GRIN2B: variants seen among roughly 807,000 people sequenced by gnomAD.
The protein encoded by GRIN2B is glutamate ionotropic receptor NMDA type subunit 2B.
In GRIN2B, 5 loss-of-function variants were observed where a neutral mutation model predicts 114.5. The observed-to-expected ratio is 0.04, with a 90% CI of 0.02 to 0.09. The LOEUF (loss-of-function observed/expected upper bound fraction) is 0.09, where lower values mean the gene tolerates loss of function less well. Ranked by LOEUF, GRIN2B falls within the 10% of genes least tolerant of loss-of-function variation. The probability of loss-of-function intolerance (pLI) is 1.00; values close to 1 mark genes in which losing one functional copy is unlikely to be tolerated. For missense variants in GRIN2B, 1,108 were observed against 1,943.5 expected (o/e 0.57, Z 8.08); for synonymous variants, 787 against 745.1 (o/e 1.06, Z -0.92).
chr12:13,808,752 A>T (rs201438887), intron 3 of GRIN2B, among the ~76,000 whole-genome samples: 17,862 of 106,372 alleles, frequency 0.17, 1,624 homozygotes, highest in African/African-American at 0.25. Context: ...ATAAAAAAAA[A>T]ATATATATAT....
chr12:13,914,026 C>A (rs1866668853), intron 2 of GRIN2B, among the ~76,000 whole-genome samples: 1 of 152,178 alleles, frequency 6.6e-6, no homozygotes, highest in African/African-American at 2.4e-5. Flanking sequence ...TTAGATTCAG[C>A]AGATCCTCAT....
intron 4 of GRIN2B, among the ~76,000 whole-genome samples, chr12:13,676,904 G>A (rs991673335): frequency 1.1e-4 from 16 of 152,252 alleles, no homozygotes; most frequent in Admixed American, 4.6e-4. Flanking sequence ...GAGTGCTCTG[G>A]TTACTTGTGC....
intron 2 of GRIN2B, among the ~76,000 whole-genome samples, chr12:13,927,526 T>G (rs938855824): frequency 4.6e-5 from 7 of 152,124 alleles, no homozygotes; most frequent in African/African-American, 7.2e-5. Context: ...AAAACTTTAT[T>G]TATAAAAACA....
At chr12:13,920,521 T>C (rs79173390) in intron 2 of GRIN2B, among the ~76,000 whole-genome samples, 1,851 of 152,310 alleles carry the variant, frequency 0.012, 39 homozygotes, top group African/African-American at 0.042. Flanking sequence ...CTCTAAGCTC[T>C]CTTTTGCATT....
At chr12:13,979,870 G>T (rs1863100058) in intron 2 of GRIN2B, 58 bp downstream of exon 2, 1 of 152,120 alleles carries the variant, frequency 6.6e-6, no homozygotes, top group African/African-American at 2.4e-5. Flanking sequence ...CGAAGAGATA[G>T]ATAAAATGAG....
chr12:13,826,249 T>A (rs569646714), intron 3 of GRIN2B, among the ~76,000 whole-genome samples: 39 of 152,230 alleles, frequency 2.6e-4, no homozygotes, highest in African/African-American at 9.1e-4. Context: ...GGTGGGCGGA[T>A]CACTTGAGGT....
At chr12:13,928,201 C>G (rs1866953562) in intron 2 of GRIN2B, among the ~76,000 whole-genome samples, 3 of 150,620 alleles carry the variant, frequency 2.0e-5, no homozygotes, top group Admixed American at 6.6e-5. Context: ...ATCCCAGCTA[C>G]TTGGGAGGCT....
chr12:13,753,409 G>A lies in GRIN2B; in HGVS notation c.918C>T (p.Asp306=). Residue 306 remains aspartate (D), a synonymous_variant, in exon 4 of 14, where the codon GAC becomes GAT. Coordinates refer to ENST00000609686, the MANE Select transcript of GRIN2B (RefSeq NM_000834.5). This position sits in a 1 kb window ranked among gnomAD's most constrained non-coding sequence, Gnocchi z 6.2. ...GGATGAAGCTGTGCTCAGACAGCATGTCAGAAGCAGCAGTGGTGATTATGG... is the reference window on the plus strand; with the variant it reads ...GGATGAAGCTGTGCTCAGACAGCATATCAGAAGCAGCAGTGGTGATTATGG... ...GIAIITTAAS[D]MLSEHSFIPE... 6.2e-7 allele frequency: 1 copy of A among 1,613,988 alleles called. No homozygotes were observed. Among genetic ancestry groups the A allele is most frequent in the Non-Finnish European group, 8.5e-7 (1 of 1,179,826 alleles).
At chr12:13,972,101 G>A (rs117934854) in intron 2 of GRIN2B, among the ~76,000 whole-genome samples, 2,709 of 152,286 alleles carry the variant, frequency 0.018, 40 homozygotes, top group Middle Eastern at 0.054. Flanking sequence ...ATATGGCTTC[G>A]CATTAGAATC....
intron 3 of GRIN2B, among the ~76,000 whole-genome samples, chr12:13,797,999 G>T (rs1864445522): frequency 6.6e-6 from 1 of 152,136 alleles, no homozygotes; most frequent in Non-Finnish European, 1.5e-5. Context: ...CCTGCTCAAA[G>T]TCAATCTTTA....
intron 3 of GRIN2B, among the ~76,000 whole-genome samples, chr12:13,799,154 G>T (rs200842800): frequency 6.6e-6 from 1 of 152,032 alleles, no homozygotes; most frequent in Admixed American, 6.6e-5. Flanking sequence ...TTTGTGGCTT[G>T]GAAGTGCTTA....
intron 5 of GRIN2B, among the ~76,000 whole-genome samples, chr12:13,653,155 T>C (rs750577456): frequency 2.8e-4 from 42 of 152,098 alleles, no homozygotes; most frequent in Non-Finnish European, 5.4e-4. Flanking sequence ...AAGAGATGGA[T>C]AGATGAGGAA....
intron 4 of GRIN2B, among the ~76,000 whole-genome samples, chr12:13,742,513 C>G (rs1863304704): frequency 6.6e-6 from 1 of 152,164 alleles, no homozygotes; most frequent in Non-Finnish European, 1.5e-5. Context: ...TCACTGAAAC[C>G]TCCACCTCCC....
intron 3 of GRIN2B, among the ~76,000 whole-genome samples, chr12:13,814,294 G>A (rs982758938): frequency 1.6e-4 from 24 of 152,330 alleles, no homozygotes; most frequent in African/African-American, 4.8e-4. Context: ...CGAAGAGAGC[G>A]AAGAGCCAAG....
chr12:13,825,293 A>C (rs1865012276), intron 3 of GRIN2B, among the ~76,000 whole-genome samples: 1 of 151,846 alleles, frequency 6.6e-6, no homozygotes, highest in Admixed American at 6.6e-5. Context: ...AATTTCAATC[A>C]ACTTACACTT....
Position 13,896,928 on chromosome 12 carries a change from T to C in GRIN2B, c.-18-30702A>G, listed in dbSNP as rs530868486. 2.6e-5 allele frequency among the ~76,000 whole-genome samples: 4 copies of C among 152,242 alleles called. No homozygotes were observed. In the South Asian group the frequency reaches 8.3e-4, roughly 32 times the overall value. ...AATAATATCTACCTTGCAGAACTCT[T>C]GTGAGAATTAAATGAGATAATGTAT... On this transcript the variant is annotated intron_variant, in intron 2 of 13. Transcript: ENST00000609686.
chr12:13,602,995 C>T (rs979079802), intron 10 of GRIN2B, among the ~76,000 whole-genome samples: 1 of 152,174 alleles, frequency 6.6e-6, no homozygotes, highest in African/African-American at 2.4e-5. Context: ...CTTTAGCAGC[C>T]TCCACCTCCC....
At chr12:13,886,698 C>T in intron 2 of GRIN2B, among the ~76,000 whole-genome samples, 1 of 152,164 alleles carries the variant, frequency 6.6e-6, no homozygotes, top group East Asian at 1.9e-4. Context: ...CCACCACCCT[C>T]CCCAGTTCCT....
chr12:13,705,924 G>A (rs1390422660), intron 4 of GRIN2B, among the ~76,000 whole-genome samples: 2 of 152,116 alleles, frequency 1.3e-5, no homozygotes, highest in African/African-American at 4.8e-5. Flanking sequence ...GTAATCATTT[G>A]CTATCCATGC....
Sources: allele counts gnomAD v4.1 joint callset (sites outside exome capture counted in the v4.1 genomes callset), GRCh38; gene constraint gnomAD v4.1.1; non-coding constraint Gnocchi (gnomAD v3.1); transcripts MANE v1.5; gene names NCBI Gene and HGNC (gene_info 2026-07-23, HGNC 2026-07-21).